Variants in IL2RB observed in about 807,000 individuals in gnomAD.
IL2RB encodes interleukin-2 receptor subunit beta.
IL2RB carries 17 observed loss-of-function variants against 44.2 expected under a neutral mutation model. That is an observed-to-expected ratio of 0.38 (90% CI 0.26 to 0.58). IL2RB has a LOEUF of 0.58. Among genes scored for constraint, IL2RB ranks in the 20% least tolerant of loss-of-function variants. The pLI is 0.63. For missense variants in IL2RB, 624 were observed against 685.5 expected (o/e 0.91, Z 1.00); for synonymous variants, 286 against 297.9 (o/e 0.96, Z 0.41).
At chr22:37,146,066 T>C (rs1350556164) in intron 1 of IL2RB, among the ~76,000 whole-genome samples, 1 of 152,150 alleles carries the variant, frequency 6.6e-6, no homozygotes, top group African/African-American at 2.4e-5. Flanking sequence ...CTGTCTGACT[T>C]TCAGTTCTGG....
Position 37,149,897 on chromosome 22 carries a change from C to T in IL2RB, c.-106G>A. 1.0e-6 allele frequency: 1 copy of T among 985,738 alleles called. No homozygotes were observed. The highest frequency in any genetic ancestry group is 1.2e-6 in the Non-Finnish European group (1 of 830,228). The allele number at this position is 985,738 out of a possible 1,614,324, so 61.1% of individuals were successfully genotyped here. A position where few individuals can be genotyped will look rare whatever the true frequency, so the allele number is the denominator to read the frequency against. On this transcript the variant is annotated 5_prime_UTR_variant, in exon 1 of 10. Coordinates refer to ENST00000216223, the MANE Select transcript of IL2RB (RefSeq NM_000878.5). Reference sequence around the variant, plus strand: ...CGGTGCTGGGACCGTGGCCATCTCTCCAGGGCCCTGCTGAGCTCTGGCTGC... The same window carrying T: ...CGGTGCTGGGACCGTGGCCATCTCTTCAGGGCCCTGCTGAGCTCTGGCTGC...
chr22:37,138,991 T>G (rs2146238876), intron 5 of IL2RB, 126 bp downstream of exon 5: 3 of 627,750 alleles, frequency 4.8e-6, no homozygotes, highest in Non-Finnish European at 8.7e-6. Context: ...CAGCGGGCGG[T>G]GAGGTGATCA....
At chr22:37,144,819 C>T (rs776741343) in intron 1 of IL2RB, among the ~76,000 whole-genome samples, 2 of 152,178 alleles carry the variant, frequency 1.3e-5, no homozygotes, top group East Asian at 1.9e-4. Flanking sequence ...ATTTATTCAT[C>T]GTTTATTGAC....
At chr22:37,168,824 G>A (rs374137090) in intron 1 of IL2RB, among the ~76,000 whole-genome samples, 2 of 152,200 alleles carry the variant, frequency 1.3e-5, no homozygotes, top group African/African-American at 2.4e-5. Flanking sequence ...TATTTCCCCA[G>A]CTCCATCTCC....
chr22:37,140,101 T>G (rs1921890809), intron 4 of IL2RB, among the ~76,000 whole-genome samples: 1 of 152,146 alleles, frequency 6.6e-6, no homozygotes, highest in South Asian at 2.1e-4. Flanking sequence ...GGGTCCAGGA[T>G]GCTGATTTCA....
At chr22:37,158,912 G>A (rs996619039) in intron 1 of IL2RB, among the ~76,000 whole-genome samples, 1 of 152,186 alleles carries the variant, frequency 6.6e-6, no homozygotes, top group African/African-American at 2.4e-5. Flanking sequence ...GAGCACCCAG[G>A]GAGGAAAGCA....
intron 1 of IL2RB, among the ~76,000 whole-genome samples, chr22:37,159,464 C>T (rs980443089): frequency 6.6e-6 from 1 of 152,154 alleles, no homozygotes; most frequent in South Asian, 2.1e-4. Flanking sequence ...CTCCTCCGAG[C>T]GGGAAAGATG....
chr22:37,168,972 C>CTTACAGAGGGGTCCTTGT (rs1271674923), intron 1 of IL2RB, among the ~76,000 whole-genome samples: 3 of 146,220 alleles, frequency 2.1e-5, no homozygotes, highest in African/African-American at 7.7e-5. Flanking sequence ...GGGGTTCTCG[C>CTTACAGAGGGGTCCTTGT]TTACAGAGGG....
At chr22:37,161,469 G>A (rs902338083) in intron 1 of IL2RB, among the ~76,000 whole-genome samples, 1 of 152,184 alleles carries the variant, frequency 6.6e-6, no homozygotes, top group African/African-American at 2.4e-5. Context: ...CTCCCTTGCA[G>A]CTGGGACATA....
At position 37,128,774 on chromosome 22, in the gene IL2RB, T is replaced by G. The variant is rs1362614326; in HGVS notation, c.978A>C (p.Glu326Asp). 6.2e-7 allele frequency: 1 copy of G among 1,613,774 alleles called. No homozygotes were observed. Among genetic ancestry groups the G allele is most frequent in the Admixed American group, 1.7e-5 (1 of 59,984 alleles). The change falls in exon 10 of 10, where the codon GAA (glutamate) becomes GAC (aspartate). Residue 326 changes from glutamate (E) to aspartate (D), a missense_variant. Coordinates refer to ENST00000216223, the MANE Select transcript of IL2RB (RefSeq NM_000878.5). The surrounding 1 kb of genome is among the most constrained non-coding windows in gnomAD (Gnocchi z 4.5). ...GGLAPEISPL[E>D]VLERDKVTQL... The stretch of plus-strand genomic sequence containing the variant: ...GCGTCACCTTGTCCCTCTCCAGCAC[T>G]TCTAGTGGCGAGATCTCAGGTGCCA...
chr22:37,132,520 G>T (rs534063318), intron 8 of IL2RB, 52 bp from the exon 9 acceptor site: 1 of 1,395,420 alleles, frequency 7.2e-7, no homozygotes, highest in East Asian at 2.3e-5. Flanking sequence ...AAGGACCGCG[G>T]TGTTATGCCA....
At chr22:37,140,271 C>T (rs913489976) in intron 4 of IL2RB, among the ~76,000 whole-genome samples, 3 of 149,892 alleles carry the variant, frequency 2.0e-5, no homozygotes, top group African/African-American at 7.4e-5. Flanking sequence ...AGATTTTCCC[C>T]GATGATAGTA....
rs2146242360 is a variant in IL2RB, at chr22:37,141,796, G to A, written c.282+638C>T. On this transcript the variant is annotated intron_variant, in intron 4 of 9. Coordinates refer to ENST00000216223, the MANE Select transcript of IL2RB (RefSeq NM_000878.5). The surrounding 1 kb of genome is among the most constrained non-coding windows in gnomAD (Gnocchi z 4.4). ...GGATGGGAAGCCACGGGGGTGCAGG[G>A]GACAGCTTGGCACTGGCCTGCAGGT... Among the ~76,000 whole-genome samples the A allele has an allele frequency of 6.6e-6, 1 of 152,340 alleles. No individual in the cohort carries two copies. Among genetic ancestry groups the A allele is most frequent in the African/African-American group, 2.4e-5 (1 of 41,588 alleles).
At position 37,136,305 on chromosome 22, in the gene IL2RB, C is replaced by T. The variant is rs771977182; in HGVS notation, c.626G>A (p.Arg209Gln). The change falls in exon 7 of 10, where the codon CGG becomes CAG. Residue 209 changes from arginine (R) to glutamine (Q), a missense_variant. This residue lies in a region of IL2RB where 255 missense variants were observed against 339.9 expected (regional missense o/e 0.75). Transcript: ENST00000216223. Reference protein sequence around the residue: ...TPDTQYEFQVRVKPLQGEFTT... With the variant: ...TPDTQYEFQVQVKPLQGEFTT... ...GAACTCGCCTTGCAGAGGCTTGACC[C>T]GCACCTGAAACTCATACTGGGTGTC... is the stretch of plus-strand genomic sequence containing the variant. 1.5e-5 allele frequency: 24 copies of T among 1,612,986 alleles called. No homozygotes were observed. The highest frequency in any genetic ancestry group is 2.7e-5 in the African/African-American group (2 of 74,856).
At chr22:37,154,741 A>G (rs1922619452), upstream of IL2RB, among the ~76,000 whole-genome samples, 1 of 151,886 alleles carries the variant, frequency 6.6e-6, no homozygotes, top group South Asian at 2.1e-4. Context: ...ACACCCAGCT[A>G]ATTTTTGTAT....
chr22:37,137,732 C>A lies in IL2RB; in HGVS notation c.392G>T (p.Arg131Leu), dbSNP rs1160622087. The change falls in exon 6 of 10, where the codon CGC becomes CTC. Residue 131 changes from arginine to leucine, a missense_variant. Physicochemically the swap from Arg to Leu is moderately radical, Grantham distance 102 (BLOSUM62 -2). Around this residue, in one of 3 missense-constraint regions of IL2RB, gnomAD observed 255 missense variants for 339.9 expected, o/e 0.75. Transcript: ENST00000216223. Reference sequence around the variant, plus strand: ...TTGGAGGGAGATGGGGGCCATCAGGCGAACTGGAGACAACAGGGGGTAGGG... The same window carrying A: ...TTGGAGGGAGATGGGGGCCATCAGGAGAACTGGAGACAACAGGGGGTAGGG... ...IQDFKPFENLRLMAPISLQVV... is the reference protein window; with the variant it reads ...IQDFKPFENLLLMAPISLQVV... The A allele has an allele frequency of 1.9e-6, 3 of 1,613,596 alleles. No homozygotes were observed. Among genetic ancestry groups the A allele is most frequent in the Non-Finnish European group, 1.7e-6 (2 of 1,179,746 alleles).
At chr22:37,170,402 C>G (rs1241989246) in intron 1 of IL2RB, among the ~76,000 whole-genome samples, 1 of 142,998 alleles carries the variant, frequency 7.0e-6, no homozygotes, top group Non-Finnish European at 1.6e-5. Context: ...TCCTCATAGA[C>G]AGGGATGGAC....
intron 1 of IL2RB, among the ~76,000 whole-genome samples, chr22:37,170,131 T>G (rs1006940726): frequency 6.6e-6 from 1 of 150,604 alleles, no homozygotes; most frequent in African/African-American, 2.5e-5. Flanking sequence ...GATGGATGGA[T>G]GAAGGGATGA....
At chr22:37,161,256 G>A (rs1010520755) in intron 1 of IL2RB, among the ~76,000 whole-genome samples, 6 of 152,162 alleles carry the variant, frequency 3.9e-5, no homozygotes, top group East Asian at 3.9e-4. Flanking sequence ...GTGAGGAAGC[G>A]CCACTTTCAG....
Sources: gnomAD v4.1 joint callset for allele counts (sites outside exome capture counted in the v4.1 genomes callset) on GRCh38, gnomAD v4.1.1 for gene constraint, gnomAD v4.1.1 regional missense constraint, Gnocchi (gnomAD v3.1) non-coding constraint, MANE v1.5 for transcripts, NCBI Gene and HGNC (gene_info 2026-07-23, HGNC 2026-07-21) for gene names.